GALNT1: variants seen among roughly 807,000 people sequenced by gnomAD.
The protein encoded by GALNT1 is polypeptide N-acetylgalactosaminyltransferase 1.
A neutral mutation model predicts 65.7 loss-of-function variants in GALNT1; 17 were observed. That is an observed-to-expected ratio of 0.26 (90% CI 0.18 to 0.39). GALNT1 has a LOEUF of 0.39. Ranked by LOEUF, GALNT1 falls within the 10% of genes least tolerant of loss-of-function variation. GALNT1 has a pLI of 1.00. For missense variants in GALNT1, 460 were observed against 672.8 expected (o/e 0.68, Z 3.50); for synonymous variants, 210 against 219.7 (o/e 0.96, Z 0.39).
At chr18:35,685,113 T>A (rs2047847067) in intron 5 of GALNT1, among the ~76,000 whole-genome samples, 1 of 152,042 alleles carries the variant, frequency 6.6e-6, no homozygotes, top group East Asian at 1.9e-4. Flanking sequence ...GGTATAACTG[T>A]GATATGAAAA....
At chr18:35,617,005 A>G (rs1482670995) in intron 1 of GALNT1, among the ~76,000 whole-genome samples, 1 of 152,150 alleles carries the variant, frequency 6.6e-6, no homozygotes, top group Non-Finnish European at 1.5e-5. Context: ...GAGGTGTGGT[A>G]TGAAAACAAA....
chr18:35,689,167 T>C lies in GALNT1; in HGVS notation c.861-6T>C. 6.4e-7 allele frequency: 1 copy of C among 1,574,062 alleles called. No homozygotes were observed. Among genetic ancestry groups the C allele is most frequent in the East Asian group, 2.2e-5 (1 of 44,630 alleles). ...TTGCTAATGGTATAGCATTATTGAA[T>C]TTCAGGACACCTACCATGGCAGGAG... On this transcript the variant is annotated splice_region_variant and splice_polypyrimidine_tract_variant and intron_variant, in intron 6 of 11. Coordinates refer to ENST00000269195, the MANE Select transcript of GALNT1 (RefSeq NM_020474.4).
intron 3 of GALNT1, among the ~76,000 whole-genome samples, chr18:35,669,784 G>A (rs2047604873): frequency 6.6e-6 from 1 of 152,130 alleles, no homozygotes; most frequent in Admixed American, 6.5e-5. Context: ...TGACACAGAT[G>A]CCTGTTAACA....
chr18:35,628,005 G>A (rs2046942234), intron 1 of GALNT1, among the ~76,000 whole-genome samples: 1 of 152,178 alleles, frequency 6.6e-6, no homozygotes, highest in Non-Finnish European at 1.5e-5. Context: ...CTGCAATGTG[G>A]CAGCGAGGCT....
intron 11 of GALNT1, among the ~76,000 whole-genome samples, chr18:35,704,764 C>G (rs1267026037): frequency 1.3e-5 from 2 of 152,090 alleles, no homozygotes; most frequent in Non-Finnish European, 2.9e-5. Context: ...CTGCCTCAGC[C>G]TCCTGAGTAG....
rs746375129 is a variant in GALNT1 at position 35,687,153 on chromosome 18, A to G, written c.827A>G (p.Asp276Gly). Reference protein sequence around the residue: ...RWYPVPQREMDRRKGDRTLPV... With the variant: ...RWYPVPQREMGRRKGDRTLPV... ...TATCCTGTTCCCCAAAGAGAAATGGACAGAAGGAAAGGTGATCGGACTCTT... is the reference window on the plus strand; with the variant it reads ...TATCCTGTTCCCCAAAGAGAAATGGGCAGAAGGAAAGGTGATCGGACTCTT... The change falls in exon 6 of 12, where the codon GAC (aspartate) becomes GGC (glycine). Residue 276 changes from aspartate (D) to glycine (G), a missense_variant. Coordinates refer to ENST00000269195, the MANE Select transcript of GALNT1 (RefSeq NM_020474.4). 1.2e-6 allele frequency: 2 copies of G among 1,613,892 alleles called. No individual in the cohort carries two copies. The highest frequency in any genetic ancestry group is 2.2e-5 in the East Asian group (1 of 44,884).
At chr18:35,705,272 C>T (rs976559221) in intron 11 of GALNT1, among the ~76,000 whole-genome samples, 9 of 152,208 alleles carry the variant, frequency 5.9e-5, no homozygotes, top group African/African-American at 1.9e-4. Flanking sequence ...TTTGACATCA[C>T]TTCCATGAAT....
At chr18:35,660,044 C>G (rs1259792168) in intron 2 of GALNT1, 1 of 152,006 alleles carries the variant, frequency 6.6e-6, no homozygotes, top group African/African-American at 2.4e-5. Context: ...TGATAACATT[C>G]CAGTTACCAT....
upstream of GALNT1, among the ~76,000 whole-genome samples, chr18:35,581,472 C>G (rs1311284860): frequency 6.9e-6 from 1 of 145,922 alleles, no homozygotes; most frequent in African/African-American, 2.5e-5. Context: ...CGCAGCCGCA[C>G]GGGCCGCCGC....
chr18:35,628,310 C>T (rs1276346672), intron 1 of GALNT1, among the ~76,000 whole-genome samples: 2 of 152,190 alleles, frequency 1.3e-5, no homozygotes, highest in African/African-American at 4.8e-5. Flanking sequence ...AACTGGGAGG[C>T]ACCCCCCAGT....
In GALNT1 at chr18:35,711,767, C is replaced by T. The variant is rs1286114320; in HGVS notation, c.*1997C>T. The T allele has an allele frequency of 1.3e-5, 2 of 152,072 alleles. No individual in the cohort carries two copies. The highest frequency in any genetic ancestry group is 2.9e-5 in the Non-Finnish European group (2 of 67,992). 9.4% of individuals were successfully genotyped at this position (152,072 alleles called of 1,614,324 possible). A position where few individuals can be genotyped will look rare whatever the true frequency, so the allele number is the denominator to read the frequency against. ...GTACTTTTAGAACCTGATAGATAAT[C>T]CCATTGCCTTTATTTTTCTAATTAA... On this transcript the variant is annotated 3_prime_UTR_variant, in exon 12 of 12. Transcript: ENST00000269195.
intron 1 of GALNT1, among the ~76,000 whole-genome samples, chr18:35,634,969 G>A (rs143024028): frequency 3.9e-5 from 6 of 152,246 alleles, no homozygotes; most frequent in Non-Finnish European, 8.8e-5. Flanking sequence ...CTTTTGACAA[G>A]TAATGAGAAA....
At chr18:35,654,417 A>G (rs991207814) in intron 1 of GALNT1, 143 bp from the exon 2 acceptor site, 2 of 160,504 alleles carry the variant, frequency 1.2e-5, no homozygotes, top group Admixed American at 6.4e-5. Flanking sequence ...ATTTTCAAAC[A>G]TAGTCTTCAT....
chr18:35,669,856 T>C (rs2047606159), intron 3 of GALNT1, among the ~76,000 whole-genome samples: 1 of 152,202 alleles, frequency 6.6e-6, no homozygotes, highest in East Asian at 1.9e-4. Flanking sequence ...GCAAAAGAAC[T>C]CACTGTTATG....
At chr18:35,613,049 C>T (rs1411234169) in intron 1 of GALNT1, among the ~76,000 whole-genome samples, 1 of 152,178 alleles carries the variant, frequency 6.6e-6, no homozygotes, top group Non-Finnish European at 1.5e-5. Context: ...ACCAGGCACT[C>T]ATGGTCCTCC....
chr18:35,702,899 A>G lies in GALNT1; in HGVS notation c.1302A>G (p.Ile434Met). Residue 434 changes from isoleucine (I) to methionine (M), a missense_variant and splice_region_variant, in exon 10 of 12, where the codon ATA (isoleucine) becomes ATG (methionine). Transcript: ENST00000269195. The part of the protein sequence containing the change: ...IPRHYFSLGE[I>M]RNVETNQCLD... ...TTTCATTATTTATTGTCCCATAGAT[A>G]CGAAATGTGGAAACGAATCAGTGTC... 1 of 1,590,632 alleles carries G rather than the reference A, an allele frequency of 6.3e-7. No homozygotes were observed. The highest frequency in any genetic ancestry group is 1.1e-5 in the South Asian group (1 of 87,416).
chr18:35,674,125 G>A (rs1417951762), intron 3 of GALNT1, among the ~76,000 whole-genome samples: 3 of 152,198 alleles, frequency 2.0e-5, no homozygotes, highest in African/African-American at 7.2e-5. Context: ...CACTTACCAT[G>A]AATGGAGCTT....
intron 11 of GALNT1, among the ~76,000 whole-genome samples, chr18:35,705,009 C>G (rs926270100): frequency 6.6e-6 from 1 of 152,188 alleles, no homozygotes; most frequent in Non-Finnish European, 1.5e-5. Context: ...AGGTTCTTCT[C>G]TTAGTTTGCT....
intron 1 of GALNT1, among the ~76,000 whole-genome samples, chr18:35,627,222 A>G (rs2046930106): frequency 6.6e-6 from 1 of 152,198 alleles, no homozygotes; most frequent in Non-Finnish European, 1.5e-5. Context: ...GTAATAGTTT[A>G]TTAACTCACT....
Sources: gnomAD v4.1 joint callset for allele counts (sites outside exome capture counted in the v4.1 genomes callset) on GRCh38, gnomAD v4.1.1 for gene constraint, MANE v1.5 for transcripts, NCBI Gene and HGNC (gene_info 2026-07-23, HGNC 2026-07-21) for gene names.